The following CLDN12 variants were observed in gnomAD, a reference collection of about 807,000 sequenced individuals.
The protein encoded by CLDN12 is claudin-12.
Under a neutral mutation model 15.5 loss-of-function variants are expected in CLDN12, and 9 were observed. The observed-to-expected ratio is 0.58, with a 90% CI of 0.35 to 1.02. The LOEUF (loss-of-function observed/expected upper bound fraction) is 1.02, where lower values mean the gene tolerates loss of function less well. Among genes scored for constraint, CLDN12 ranks in the 50% least tolerant of loss-of-function variants. The pLI is 0.02. For missense variants in CLDN12, 233 were observed against 297.3 expected (o/e 0.78, Z 1.59); for synonymous variants, 140 against 121.6 (o/e 1.15, Z -1.00).
At chr7:90,408,196 C>T (rs1271292915) in intron 2 of CLDN12, among the ~76,000 whole-genome samples, 1 of 152,182 alleles carries the variant, frequency 6.6e-6, no homozygotes, top group African/African-American at 2.4e-5. Flanking sequence ...CATATTCTTT[C>T]CCCAAACTAT....
rs191527222 is a variant in CLDN12, at chr7:90,407,090, G to A, written c.-77+1482G>A. Among the ~76,000 whole-genome samples the A allele has an allele frequency of 2.2e-3, 331 of 151,998 alleles. 13 individuals are homozygous for A. The highest frequency in any genetic ancestry group is 1.4e-3 in the Non-Finnish European group (98 of 67,986). ...TTTTTGTTTTTGAAATGGAGTCTCGGGGTTTCACCATATTGGCCAGGCTAG... is the reference window on the plus strand; with the variant it reads ...TTTTTGTTTTTGAAATGGAGTCTCGAGGTTTCACCATATTGGCCAGGCTAG... On this transcript the variant is annotated intron_variant, in intron 2 of 3. Transcript: ENST00000496677.
intron 1 of CLDN12, among the ~76,000 whole-genome samples, chr7:90,405,307 C>T (rs1311172878): frequency 2.0e-5 from 3 of 152,172 alleles, no homozygotes; most frequent in Non-Finnish European, 2.9e-5. Flanking sequence ...GTGATCATCC[C>T]GCCTCAGCTT....
chr7:90,415,479 T>A lies in CLDN12; in HGVS notation c.*2068T>A, dbSNP rs1797054403. On this transcript the variant is annotated 3_prime_UTR_variant, in exon 4 of 4. Transcript: ENST00000496677. ...TTTTTAGTCCATGGGATTGTAAATA[T>A]AAACATTAACTTTCCTATAAGAATA... 6.0e-6 allele frequency: 1 copy of A among 166,710 alleles called. No individual in the cohort carries two copies. The highest frequency in any genetic ancestry group is 2.4e-5 in the African/African-American group (1 of 41,470). 10.3% of individuals were successfully genotyped at this position (166,710 alleles called of 1,614,324 possible).
chr7:90,410,926 G>C (rs1339746193), intron 2 of CLDN12, among the ~76,000 whole-genome samples: 1 of 152,094 alleles, frequency 6.6e-6, no homozygotes. Context: ...GAGCCTGGAA[G>C]GTCAAGGCTG....
rs1017105 is a variant in CLDN12 at position 90,413,990 on chromosome 7, C to T, written c.*579C>T. On this transcript the variant is annotated 3_prime_UTR_variant, in exon 4 of 4. Coordinates refer to ENST00000496677, the MANE Select transcript of CLDN12 (RefSeq NM_001185072.3). ...CTCATGCCACTGTTTAAAAGTAAAA[C>T]GTATTTTAACGATGTTAGAATAAGA... 0.26 allele frequency: 252,158 copies of T among 969,734 alleles called. 34,467 individuals are homozygous for T. Among genetic ancestry groups the T allele is most frequent in the East Asian group, 0.68 (5,796 of 8,584 alleles). 60.1% of individuals were successfully genotyped at this position (969,734 alleles called of 1,614,324 possible).
intron 2 of CLDN12, among the ~76,000 whole-genome samples, chr7:90,408,109 A>G (rs1376143229): frequency 1.3e-5 from 2 of 152,252 alleles, no homozygotes; most frequent in African/African-American, 2.4e-5. Flanking sequence ...GCACAAGAGT[A>G]GAGGTCTTTT....
intron 2 of CLDN12, chr7:90,406,185 A>G (rs542330142): frequency 1.3e-5 from 2 of 152,332 alleles, no homozygotes; most frequent in East Asian, 3.9e-4. Context: ...CCTGGAAAAA[A>G]TAGTACAGGG....
Position 90,409,626 on chromosome 7 carries a change from C to G in CLDN12, c.-76-2381C>G, listed in dbSNP as rs540939675. On this transcript the variant is annotated intron_variant, in intron 2 of 3. Transcript: ENST00000496677. ...TGAAAGAAACGAGGGAACCTTTTTCCTATGTCTTCACAACTTTAATCAAAT... is the reference window on the plus strand; with the variant it reads ...TGAAAGAAACGAGGGAACCTTTTTCGTATGTCTTCACAACTTTAATCAAAT... Among the ~76,000 whole-genome samples the G allele has an allele frequency of 4.8e-4, 73 of 152,306 alleles. No individual in the cohort carries two copies. The Middle Eastern group carries it at 0.014, about 28-fold the overall frequency.
chr7:90,407,718 CA>C (rs1486862250), intron 2 of CLDN12, among the ~76,000 whole-genome samples: 5 of 152,274 alleles, frequency 3.3e-5, no homozygotes, highest in Admixed American at 2.6e-4. Context: ...TAACCAGGGA[CA>C]GGGGGAGGTT....
chr7:90,411,773 T>C (rs971802880), intron 2 of CLDN12, among the ~76,000 whole-genome samples: 1 of 152,182 alleles, frequency 6.6e-6, no homozygotes, highest in Non-Finnish European at 1.5e-5. Flanking sequence ...GCCTAGTACA[T>C]AGGAATGAGA....
In CLDN12 at chr7:90,413,273, C is replaced by T; in HGVS notation, c.597C>T (p.Cys199=). 1 of 1,614,172 alleles carries T rather than the reference C, an allele frequency of 6.2e-7. No individual in the cohort carries two copies. Among genetic ancestry groups the T allele is most frequent in the Non-Finnish European group, 8.5e-7 (1 of 1,180,020 alleles). Residue 199 remains cysteine, a synonymous_variant, in exon 4 of 4, where the codon TGC becomes TGT. Coordinates refer to ENST00000496677, the MANE Select transcript of CLDN12 (RefSeq NM_001185072.3). ...TACTATTTATTTGGTATTGTACATGCAAATCTTTGCCTTCTCCTTTCTGGC... is the reference window on the plus strand; with the variant it reads ...TACTATTTATTTGGTATTGTACATGTAAATCTTTGCCTTCTCCTTTCTGGC... The part of the protein sequence containing the change: ...SLILFIWYCT[C]KSLPSPFWQP...
In CLDN12 at chr7:90,412,248, C is replaced by A. The variant is rs543791202; in HGVS notation, c.-34+199C>A. 8.5e-5 allele frequency: 14 copies of A among 164,320 alleles called. No individual in the cohort carries two copies. The South Asian group carries it at 1.1e-3, about 13-fold the overall frequency. 10.2% of individuals were successfully genotyped at this position (164,320 alleles called of 1,614,324 possible). A position where few individuals can be genotyped will look rare whatever the true frequency, so the allele number is the denominator to read the frequency against. ...AGCTAACTGATGATTGATGAGTGGGCCCTTGCTGTGTGAGTGCCTGACACA... is the reference window on the plus strand; with the variant it reads ...AGCTAACTGATGATTGATGAGTGGGACCTTGCTGTGTGAGTGCCTGACACA... On this transcript the variant is annotated intron_variant, in intron 3 of 3. Coordinates refer to ENST00000496677, the MANE Select transcript of CLDN12 (RefSeq NM_001185072.3).
chr7:90,415,852 T>C lies in CLDN12; in HGVS notation c.*2441T>C, dbSNP rs980379733. On this transcript the variant is annotated 3_prime_UTR_variant, in exon 4 of 4. Coordinates refer to ENST00000496677, the MANE Select transcript of CLDN12 (RefSeq NM_001185072.3). The stretch of plus-strand genomic sequence containing the variant: ...AACCTAAGTTTACTTTACTTGTACA[T>C]ATACACTACAATGGATAGTATATTT... 1.2e-5 allele frequency: 2 copies of C among 167,058 alleles called. No homozygotes were observed. The highest frequency in any genetic ancestry group is 1.3e-4 in the Admixed American group (2 of 15,286). The allele number at this position is 167,058 out of a possible 1,614,324, so 10.3% of individuals were successfully genotyped here. A position where few individuals can be genotyped will look rare whatever the true frequency, so the allele number is the denominator to read the frequency against.
chr7:90,405,825 C>G (rs540070158), intron 2 of CLDN12: 1 of 152,290 alleles, frequency 6.6e-6, no homozygotes, highest in Admixed American at 6.5e-5. Flanking sequence ...TAGGGCTGGG[C>G]ATGGTGGCTC....
At chr7:90,405,053 T>G (rs1293574173) in intron 1 of CLDN12, among the ~76,000 whole-genome samples, 2 of 152,072 alleles carry the variant, frequency 1.3e-5, no homozygotes, top group Admixed American at 6.5e-5. Flanking sequence ...CCATCACACC[T>G]GGCTAATTAT....
chr7:90,410,081 A>T (rs12531899), intron 2 of CLDN12, among the ~76,000 whole-genome samples: 14,904 of 152,092 alleles, frequency 0.098, 1,008 homozygotes, highest in Non-Finnish European at 0.15. Flanking sequence ...CTTGTGTGCC[A>T]GGCACACAAG....
intron 1 of CLDN12, among the ~76,000 whole-genome samples, chr7:90,404,127 A>G (rs1796788569): frequency 1.3e-5 from 2 of 152,132 alleles, no homozygotes; most frequent in Admixed American, 6.5e-5. Context: ...TAAGGGGCCC[A>G]TAGCCACGTT....
At chr7:90,409,856 G>T (rs1343012559) in intron 2 of CLDN12, among the ~76,000 whole-genome samples, 1 of 152,176 alleles carries the variant, frequency 6.6e-6, no homozygotes, top group Non-Finnish European at 1.5e-5. Flanking sequence ...GCAAGGTCCA[G>T]TTATCAGTGG....
rs924298842 is a variant in CLDN12 at position 90,415,043 on chromosome 7, A to T, written c.*1632A>T. 1.8e-5 allele frequency: 3 copies of T among 166,954 alleles called. No individual in the cohort carries two copies. Among genetic ancestry groups the T allele is most frequent in the African/African-American group, 7.2e-5 (3 of 41,460 alleles). The allele number at this position is 166,954 out of a possible 1,614,324, so 10.3% of individuals were successfully genotyped here. A position where few individuals can be genotyped will look rare whatever the true frequency, so the allele number is the denominator to read the frequency against. Reference sequence around the variant, plus strand: ...CTAGTTATATGGTAAACAGATTATTATGCCTTTTTGCAATTCTGAATATGA... The same window carrying T: ...CTAGTTATATGGTAAACAGATTATTTTGCCTTTTTGCAATTCTGAATATGA... On this transcript the variant is annotated 3_prime_UTR_variant, in exon 4 of 4. Coordinates refer to ENST00000496677, the MANE Select transcript of CLDN12 (RefSeq NM_001185072.3).
Sources: allele counts gnomAD v4.1 joint callset (sites outside exome capture counted in the v4.1 genomes callset), GRCh38; gene constraint gnomAD v4.1.1; transcripts MANE v1.5; gene names NCBI Gene and HGNC (gene_info 2026-07-23, HGNC 2026-07-21).